STAU1: variants seen among roughly 807,000 people sequenced by gnomAD.
The protein encoded by STAU1 is double-stranded RNA-binding protein Staufen homolog 1.
STAU1 carries 13 observed loss-of-function variants against 62.9 expected under a neutral mutation model. The ratio of observed to expected loss-of-function variants is 0.21; its 90% confidence interval spans 0.13 to 0.33. STAU1 has a LOEUF of 0.33. Ranked by LOEUF, STAU1 falls within the 10% of genes least tolerant of loss-of-function variation. STAU1 has a pLI of 1.00. For synonymous variants in STAU1, 269 were observed against 265.1 expected, an observed-to-expected ratio of 1.01 and a Z score of -0.14; for missense variants, 571 against 712.1, an observed-to-expected ratio of 0.80 and a Z score of 2.25.
At chr20:49,171,529 C>T (rs545987724) in intron 2 of STAU1, among the ~76,000 whole-genome samples, 12 of 152,268 alleles carry the variant, frequency 7.9e-5, no homozygotes, top group African/African-American at 2.6e-4. Flanking sequence ...CCTTGTGATC[C>T]GCCTGCCTCG....
At chr20:49,211,159 T>A in the STAU1 span, among the ~76,000 whole-genome samples, 1 of 152,218 alleles carries the variant, frequency 6.6e-6, no homozygotes, top group African/African-American at 2.4e-5. Context: ...CTTCATTCAT[T>A]TTTATAACTG....
intron 6 of STAU1, among the ~76,000 whole-genome samples, chr20:49,133,261 GA>G (rs1351221967): frequency 6.6e-6 from 1 of 152,166 alleles, no homozygotes; most frequent in African/African-American, 2.4e-5. Flanking sequence ...TAAGTTTCCA[GA>G]AATCTCAGTG....
At chr20:49,194,861 G>T in the STAU1 span, among the ~76,000 whole-genome samples, 2 of 151,870 alleles carry the variant, frequency 1.3e-5, no homozygotes, top group Non-Finnish European at 2.9e-5. Context: ...TTACAGGCAT[G>T]AGCCACCCTG....
the STAU1 span, among the ~76,000 whole-genome samples, chr20:49,204,880 C>T: frequency 6.6e-6 from 1 of 151,398 alleles, no homozygotes; most frequent in Non-Finnish European, 1.5e-5. Context: ...AAACTCCTGA[C>T]CTCAGGTGAT....
At chr20:49,139,484 G>A (rs1373767628) in intron 5 of STAU1, among the ~76,000 whole-genome samples, 2 of 152,190 alleles carry the variant, frequency 1.3e-5, no homozygotes, top group Non-Finnish European at 2.9e-5. Context: ...CAGCACTTTG[G>A]GAGGCCGAAG....
chr20:49,166,055 T>A lies in STAU1; in HGVS notation c.147A>T (p.Arg49Ser), dbSNP rs924528828. Residue 49 changes from arginine to serine, a missense_variant, in exon 3 of 14, where the codon AGA (arginine) becomes AGT (serine). Arg to Ser is a moderately radical substitution (Grantham distance 110). Around this residue, in one of 3 missense-constraint regions of STAU1, gnomAD observed 414 missense variants for 499.6 expected, o/e 0.83. Transcript: ENST00000371856. Reference sequence around the variant, plus strand: ...AGGGTAAAGCAGAGTTTTGAATGGGTCTACCTGCATTTTCAGAGGGCAGAG... The same window carrying A: ...AGGGTAAAGCAGAGTTTTGAATGGGACTACCTGCATTTTCAGAGGGCAGAG... ...TSSLPSENAG[R>S]PIQNSALPSA... 6.2e-7 allele frequency: 1 copy of A among 1,614,012 alleles called. No homozygotes were observed. Among genetic ancestry groups the A allele is most frequent in the Non-Finnish European group, 8.5e-7 (1 of 1,180,026 alleles).
chr20:49,207,824 A>G, the STAU1 span, among the ~76,000 whole-genome samples: 4 of 151,912 alleles, frequency 2.6e-5, no homozygotes, highest in Non-Finnish European at 1.5e-5. Context: ...CCGGCTCCAA[A>G]TGGGCTTTTA....
the STAU1 span, among the ~76,000 whole-genome samples, chr20:49,210,747 A>G: frequency 4.6e-5 from 7 of 152,262 alleles, no homozygotes; most frequent in African/African-American, 1.4e-4. Flanking sequence ...CTTTTCTATC[A>G]TCCCCCATAC....
chr20:49,201,201 G>A, the STAU1 span, among the ~76,000 whole-genome samples: 11 of 151,854 alleles, frequency 7.2e-5, no homozygotes, highest in Admixed American at 2.0e-4. Context: ...ATATATGACC[G>A]AATATTTCAA....
intron 1 of STAU1, among the ~76,000 whole-genome samples, chr20:49,187,634 T>G: frequency 6.6e-6 from 1 of 152,130 alleles, no homozygotes; most frequent in East Asian, 1.9e-4. Context: ...ACACAAAGAC[T>G]TTTTAAGTGT....
rs758333670 is a variant in STAU1, at chr20:49,124,396, C to T, written c.801G>A (p.Lys267=). 4.3e-6 allele frequency: 7 copies of T among 1,614,000 alleles called. No homozygotes were observed. Among genetic ancestry groups the T allele is most frequent in the Non-Finnish European group, 5.1e-6 (6 of 1,180,000 alleles). ...AVERVKPRIK[K]KTKPIVKPQT... ...TCACCTTGACTATGGGTTTTGTTTT[C>T]TTTTTGATTCTAGGCTTTACTCGTT... is the stretch of plus-strand genomic sequence containing the variant. Residue 267 remains lysine (K), a synonymous_variant, in exon 7 of 14, where the codon AAG becomes AAA. Transcript: ENST00000371856.
At chr20:49,121,739 C>T (rs2092469464) in intron 8 of STAU1, among the ~76,000 whole-genome samples, 1 of 152,134 alleles carries the variant, frequency 6.6e-6, no homozygotes, top group Middle Eastern at 3.2e-3. Context: ...ATGTATATAA[C>T]ACCCATGTAT....
At chr20:49,166,535 G>T (rs2093529163) in intron 2 of STAU1, among the ~76,000 whole-genome samples, 1 of 152,140 alleles carries the variant, frequency 6.6e-6, no homozygotes, top group African/African-American at 2.4e-5. Flanking sequence ...TATACAAAGA[G>T]AATCAGTAGG....
intron 5 of STAU1, among the ~76,000 whole-genome samples, chr20:49,144,288 C>CT (rs3092773): frequency 2.4e-4 from 36 of 150,728 alleles, no homozygotes; most frequent in South Asian, 1.9e-3. Context: ...GTCACACGTA[C>CT]TTTTTTTTTT....
the STAU1 span, among the ~76,000 whole-genome samples, chr20:49,204,630 A>ATATATGTG: frequency 5.4e-5 from 3 of 56,002 alleles, no homozygotes; most frequent in African/African-American, 2.6e-4. Flanking sequence ...ATATGTGTAT[A>ATATATGTG]TATATATATA....
chr20:49,209,152 G>A, the STAU1 span, among the ~76,000 whole-genome samples: 1 of 151,240 alleles, frequency 6.6e-6, no homozygotes, highest in South Asian at 2.1e-4. Context: ...CCAGAGTGGT[G>A]TCGAACTCCT....
chr20:49,199,863 T>G, the STAU1 span, among the ~76,000 whole-genome samples: 1 of 152,098 alleles, frequency 6.6e-6, no homozygotes, highest in Non-Finnish European at 1.5e-5. Context: ...TGTCAGCCAC[T>G]GCACCCGGCC....
Position 49,166,274 on chromosome 20 carries a change from C to A in STAU1, c.-73G>T. ...GCAGGTTAATTCAGTGCTATGAAGTCTAAAGTTCTACCTAAAAGTTGTAAG... is the reference window on the plus strand; with the variant it reads ...GCAGGTTAATTCAGTGCTATGAAGTATAAAGTTCTACCTAAAAGTTGTAAG... On this transcript the variant is annotated 5_prime_UTR_variant, in exon 3 of 14. Coordinates refer to ENST00000371856, the MANE Select transcript of STAU1 (RefSeq NM_017453.4). 1 of 1,349,098 alleles carries A rather than the reference C, an allele frequency of 7.4e-7. No homozygotes were observed. Among genetic ancestry groups the A allele is most frequent in the South Asian group, 1.3e-5 (1 of 79,158 alleles). The allele number at this position is 1,349,098 out of a possible 1,614,324, so 83.6% of individuals were successfully genotyped here. A position where few individuals can be genotyped will look rare whatever the true frequency, so the allele number is the denominator to read the frequency against.
chr20:49,175,828 G>A lies in STAU1; in HGVS notation c.-159-1559C>T, dbSNP rs558234291. 1.0e-4 allele frequency among the ~76,000 whole-genome samples: 11 copies of A among 109,062 alleles called. No homozygotes were observed. In the East Asian group the frequency reaches 2.6e-3, roughly 26 times the overall value. 71.5% of individuals were successfully genotyped at this position (109,062 alleles called of 152,430 possible). A position where few individuals can be genotyped will look rare whatever the true frequency, so the allele number is the denominator to read the frequency against. On this transcript the variant is annotated intron_variant, in intron 1 of 13. Coordinates refer to ENST00000371856, the MANE Select transcript of STAU1 (RefSeq NM_017453.4). ...TTTTTTTTTTTTGAGACGGAGTCTC[G>A]CTGTCGTCCAGGCTGGAGTGCAGTG...
Sources: allele counts gnomAD v4.1 joint callset (sites outside exome capture counted in the v4.1 genomes callset), GRCh38; gene constraint gnomAD v4.1.1; regional missense constraint gnomAD v4.1.1; transcripts MANE v1.5; gene names NCBI Gene and HGNC (gene_info 2026-07-23, HGNC 2026-07-21).